TAFA4: variants seen among roughly 807,000 people sequenced by gnomAD.
TAFA4 encodes the protein chemokine-like protein TAFA-4.
Under a neutral mutation model 21.1 loss-of-function variants are expected in TAFA4, and 20 were observed. That is an observed-to-expected ratio of 0.95 (90% CI 0.67 to 1.38). TAFA4 has a LOEUF of 1.38. TAFA4 is among the 40% of genes most tolerant of loss of function. The pLI is 0.00. For missense variants in TAFA4, 211 were observed against 180.9 expected, an observed-to-expected ratio of 1.17 and a Z score of -0.95; for synonymous variants, 71 against 67.4, an observed-to-expected ratio of 1.05 and a Z score of -0.26.
At chr3:68,921,462 A>T (rs1172301713) in intron 1 of TAFA4, among the ~76,000 whole-genome samples, 1 of 152,176 alleles carries the variant, frequency 6.6e-6, no homozygotes, top group Admixed American at 6.5e-5. Context: ...TGCAAGACAA[A>T]GTGAAATCCA....
intron 2 of TAFA4, among the ~76,000 whole-genome samples, chr3:68,884,810 G>C (rs886925574): frequency 7.2e-5 from 11 of 152,262 alleles, no homozygotes; most frequent in Admixed American, 7.2e-4. Context: ...CAAGTTGCTG[G>C]GTTAGTAGCA....
At chr3:68,827,925 CT>C (rs1704291013) in intron 3 of TAFA4, among the ~76,000 whole-genome samples, 1 of 152,134 alleles carries the variant, frequency 6.6e-6, no homozygotes, top group Non-Finnish European at 1.5e-5. Context: ...GTTGCCATTG[CT>C]TTTGGTGTTT....
chr3:68,828,114 AG>A (rs1480256361), intron 3 of TAFA4, among the ~76,000 whole-genome samples: 1 of 152,162 alleles, frequency 6.6e-6, no homozygotes, highest in Non-Finnish European at 1.5e-5. Context: ...TTTTCACACC[AG>A]CATTTATTAA....
At chr3:68,807,124 C>G (rs7621862) in intron 3 of TAFA4, among the ~76,000 whole-genome samples, 1 of 152,130 alleles carries the variant, frequency 6.6e-6, no homozygotes, top group East Asian at 1.9e-4. Context: ...TTTGCCTCAG[C>G]TGATCGGTCT....
intron 1 of TAFA4, among the ~76,000 whole-genome samples, chr3:68,918,685 G>T (rs1317093874): frequency 6.6e-6 from 1 of 152,100 alleles, no homozygotes; most frequent in African/African-American, 2.4e-5. Context: ...CTACATGCAT[G>T]CATCTAACCA....
intron 1 of TAFA4, among the ~76,000 whole-genome samples, chr3:68,903,293 C>G (rs1490998877): frequency 6.6e-6 from 1 of 152,004 alleles, no homozygotes; most frequent in East Asian, 1.9e-4. Context: ...GGTCCATAAA[C>G]CGGGATGAGA....
chr3:68,902,531 A>T (rs2089854801), intron 1 of TAFA4, among the ~76,000 whole-genome samples: 1 of 152,052 alleles, frequency 6.6e-6, no homozygotes, highest in Non-Finnish European at 1.5e-5. Context: ...GCATGCCTGA[A>T]AAACTTTTGC....
intron 3 of TAFA4, among the ~76,000 whole-genome samples, chr3:68,822,431 A>C (rs1704133930): frequency 6.6e-6 from 1 of 152,090 alleles, no homozygotes; most frequent in African/African-American, 2.4e-5. Flanking sequence ...ACTCTTTTTT[A>C]TCCAAAATTA....
intron 1 of TAFA4, among the ~76,000 whole-genome samples, chr3:68,915,174 AC>A (rs2089992687): frequency 6.6e-6 from 1 of 152,126 alleles, no homozygotes; most frequent in Non-Finnish European, 1.5e-5. Flanking sequence ...ATTCTCAAAT[AC>A]CCACCATGAT....
intron 1 of TAFA4, among the ~76,000 whole-genome samples, chr3:68,916,520 GATT>G (rs953739159): frequency 5.9e-5 from 9 of 152,164 alleles, no homozygotes; most frequent in African/African-American, 1.4e-4. Context: ...TGGATTTACA[GATT>G]ATTACCTCAT....
intron 3 of TAFA4, among the ~76,000 whole-genome samples, chr3:68,854,533 G>A (rs760360218): frequency 3.3e-5 from 5 of 152,074 alleles, no homozygotes; most frequent in African/African-American, 2.4e-5. Context: ...TCCTTTCTGG[G>A]CAAGCACCAA....
intron 5 of TAFA4, among the ~76,000 whole-genome samples, chr3:68,737,736 G>A (rs932986452): frequency 5.9e-5 from 9 of 152,140 alleles, no homozygotes; most frequent in African/African-American, 2.2e-4. Flanking sequence ...TGACCTCCAT[G>A]GCTGAAGATG....
At chr3:68,771,214 A>G (rs971620546) in intron 3 of TAFA4, among the ~76,000 whole-genome samples, 5 of 152,168 alleles carry the variant, frequency 3.3e-5, no homozygotes, top group Non-Finnish European at 7.4e-5. Flanking sequence ...TTTCTGGTAC[A>G]CTAGGGCAAG....
intron 3 of TAFA4, among the ~76,000 whole-genome samples, chr3:68,876,566 A>G (rs2089551920): frequency 6.6e-6 from 1 of 152,218 alleles, no homozygotes; most frequent in Non-Finnish European, 1.5e-5. Flanking sequence ...CTATTTAGTC[A>G]AGAGTATTTG....
intron 3 of TAFA4, among the ~76,000 whole-genome samples, chr3:68,766,957 A>G (rs1466780992): frequency 6.6e-6 from 1 of 152,212 alleles, no homozygotes; most frequent in African/African-American, 2.4e-5. Context: ...CATGCTTTTA[A>G]AAGTCTGAAA....
At chr3:68,884,370 G>A (rs2089649822) in intron 2 of TAFA4, among the ~76,000 whole-genome samples, 1 of 152,162 alleles carries the variant, frequency 6.6e-6, no homozygotes, top group Non-Finnish European at 1.5e-5. Flanking sequence ...TCTGTGGGGT[G>A]GCCATCTCTC....
intron 3 of TAFA4, among the ~76,000 whole-genome samples, chr3:68,861,266 C>T (rs1386300197): frequency 6.6e-6 from 1 of 151,932 alleles, no homozygotes; most frequent in Non-Finnish European, 1.5e-5. Context: ...AAGTATTCTG[C>T]AGCAATTGGA....
intron 4 of TAFA4, among the ~76,000 whole-genome samples, chr3:68,742,515 A>T (rs1346921200): frequency 6.6e-6 from 1 of 152,140 alleles, no homozygotes; most frequent in Non-Finnish European, 1.5e-5. Flanking sequence ...CACCCGGCTA[A>T]TTTCCTTCCT....
chr3:68,790,749 C>A (rs1672261608), intron 3 of TAFA4, among the ~76,000 whole-genome samples: 1 of 152,166 alleles, frequency 6.6e-6, no homozygotes, highest in Non-Finnish European at 1.5e-5. Context: ...CTGGGGAGAA[C>A]ACAGGAGCAG....
Sources: allele counts gnomAD v4.1 joint callset (sites outside exome capture counted in the v4.1 genomes callset), GRCh38; gene constraint gnomAD v4.1.1; transcripts MANE v1.5; gene names NCBI Gene and HGNC (gene_info 2026-07-23, HGNC 2026-07-21).